The following RAD51B variants were observed in gnomAD, a reference collection of about 807,000 sequenced individuals.
RAD51B encodes the protein RAD51 paralog B.
Under a neutral mutation model 42.2 loss-of-function variants are expected in RAD51B, and 38 were observed. That is an observed-to-expected ratio of 0.90 (90% CI 0.70 to 1.18). RAD51B has a LOEUF of 1.18. Among genes scored for constraint, RAD51B ranks in the 50% most tolerant of loss-of-function variants. RAD51B has a pLI of 0.00. For synonymous variants in RAD51B, 154 were observed against 145.2 expected, an observed-to-expected ratio of 1.06 and a Z score of -0.43; for missense variants, 373 against 400.7, an observed-to-expected ratio of 0.93 and a Z score of 0.59.
intron 10 of RAD51B, among the ~76,000 whole-genome samples, chr14:68,618,259 A>G (rs8009865): frequency 0.25 from 37,694 of 152,122 alleles, 5,383 homozygotes; most frequent in African/African-American, 0.38. Flanking sequence ...ATGGGGCACC[A>G]TTGACCTCTA....
intron 7 of RAD51B, among the ~76,000 whole-genome samples, chr14:68,202,703 C>T (rs1253588792): frequency 6.6e-6 from 1 of 150,974 alleles, no homozygotes; most frequent in Non-Finnish European, 1.5e-5. Context: ...CTGCCTCAGC[C>T]TCCTCAGTAG....
intron 7 of RAD51B, among the ~76,000 whole-genome samples, chr14:68,195,214 AT>A: frequency 6.6e-6 from 1 of 152,290 alleles, no homozygotes; most frequent in Admixed American, 6.5e-5. Flanking sequence ...ATCTTTACTC[AT>A]TTGTTCACTC....
At chr14:67,867,429 C>T (rs1438245376) in intron 5 of RAD51B, among the ~76,000 whole-genome samples, 2 of 152,208 alleles carry the variant, frequency 1.3e-5, no homozygotes, top group South Asian at 2.1e-4. Flanking sequence ...CATTTTCAGA[C>T]ATCGGATTCA....
At chr14:68,341,054 T>G (rs1390786706) in intron 8 of RAD51B, among the ~76,000 whole-genome samples, 1 of 152,240 alleles carries the variant, frequency 6.6e-6, no homozygotes, top group Non-Finnish European at 1.5e-5. Flanking sequence ...ACCTTGAAGA[T>G]GCCACTAAGA....
At chr14:67,849,785 G>C (rs1254351836) in intron 4 of RAD51B, among the ~76,000 whole-genome samples, 1 of 152,028 alleles carries the variant, frequency 6.6e-6, no homozygotes, top group East Asian at 1.9e-4. Context: ...TGTTTTATTA[G>C]ATTCTTTGTG....
At chr14:68,672,771 CA>C (rs1396376973) in intron 11 of RAD51B, among the ~76,000 whole-genome samples, 1 of 152,186 alleles carries the variant, frequency 6.6e-6, no homozygotes, top group Non-Finnish European at 1.5e-5. Flanking sequence ...GAGATCATTG[CA>C]CTCATCTCCC....
chr14:68,048,234 G>C (rs2076334445), intron 7 of RAD51B, among the ~76,000 whole-genome samples: 1 of 152,196 alleles, frequency 6.6e-6, no homozygotes, highest in African/African-American at 2.4e-5. Flanking sequence ...CTGCATAAAT[G>C]TCTTCTTTTG....
intron 7 of RAD51B, among the ~76,000 whole-genome samples, chr14:68,135,184 T>G (rs929461639): frequency 5.9e-5 from 9 of 152,202 alleles, no homozygotes; most frequent in Middle Eastern, 3.2e-3. Flanking sequence ...TTCTCTAGTG[T>G]TTTAATTAAT....
Position 67,823,869 on chromosome 14 carries a change from G to A in RAD51B, c.84+242G>A, listed in dbSNP as rs561125798. 8.5e-5 allele frequency among the ~76,000 whole-genome samples: 13 copies of A among 152,300 alleles called. No homozygotes were observed. The East Asian group carries it at 1.9e-3, about 23-fold the overall frequency. ...GAAAGTGGTCACGGCATAAGGTGAA[G>A]TAACAGCTTTACTGTTTTATAGTTA... On this transcript the variant is annotated intron_variant, in intron 2 of 10. Transcript: ENST00000471583.
chr14:68,412,729 C>T (rs1252321955), intron 9 of RAD51B, among the ~76,000 whole-genome samples: 3 of 152,188 alleles, frequency 2.0e-5, no homozygotes, highest in Non-Finnish European at 4.4e-5. Context: ...TCAATGGCAC[C>T]TTTTCCCTGA....
chr14:68,457,063 C>T (rs964201804), intron 9 of RAD51B, among the ~76,000 whole-genome samples: 12 of 151,608 alleles, frequency 7.9e-5, no homozygotes, highest in South Asian at 6.3e-4. Context: ...CAGGCATGCA[C>T]CACCACACCC....
At chr14:68,067,931 CAAAAAAAAAAA>C (rs913150528) in intron 7 of RAD51B, among the ~76,000 whole-genome samples, 3 of 24,690 alleles carry the variant, frequency 1.2e-4, no homozygotes, top group South Asian at 1.9e-3. Context: ...GACTCCATCT[CAAAAAAAAAAA>C]AAAAAAAAAA....
intron 5 of RAD51B, 44 bp from the exon 6 acceptor site, chr14:67,885,825 G>A: frequency 3.9e-6 from 6 of 1,558,004 alleles, no homozygotes; most frequent in Non-Finnish European, 5.2e-6. Flanking sequence ...GTGGCTTTAA[G>A]TAGAATTGAC....
At chr14:68,016,009 T>C (rs1472450942) in intron 7 of RAD51B, among the ~76,000 whole-genome samples, 1 of 152,216 alleles carries the variant, frequency 6.6e-6, no homozygotes, top group Non-Finnish European at 1.5e-5. Flanking sequence ...ATAGTAATCA[T>C]TTTGTATCTT....
At chr14:67,973,770 T>A (rs2140255507) in intron 7 of RAD51B, among the ~76,000 whole-genome samples, 1 of 152,256 alleles carries the variant, frequency 6.6e-6, no homozygotes, top group South Asian at 2.1e-4. Flanking sequence ...GTGGCAAAGT[T>A]TTAGATTAAT....
At chr14:68,488,757 C>T (rs1229890233) in intron 10 of RAD51B, among the ~76,000 whole-genome samples, 1 of 152,164 alleles carries the variant, frequency 6.6e-6, no homozygotes, top group Non-Finnish European at 1.5e-5. Context: ...GCTGCAAAAC[C>T]CCATTGCAGT....
rs369875160 is a variant in RAD51B, at chr14:67,904,548, G to T, written c.756+17344G>T. 1.1e-4 allele frequency among the ~76,000 whole-genome samples: 13 copies of T among 122,478 alleles called. No homozygotes were observed. The East Asian group carries it at 2.1e-3, about 20-fold the overall frequency. The allele number at this position is 122,478 out of a possible 152,430, so 80.4% of individuals were successfully genotyped here. ...TTTTTTTGAGATGGAGTCTTGCTCT[G>T]TTGCCAGGCTGGTGTGCAGAGGTGC... On this transcript the variant is annotated intron_variant, in intron 7 of 10. Coordinates refer to ENST00000471583, the MANE Select transcript of RAD51B (RefSeq NM_133510.4).
intron 8 of RAD51B, among the ~76,000 whole-genome samples, chr14:68,391,136 GTCTTTCTTTCTTTCTTTCTTTCTT>G (rs36073427): frequency 3.5e-5 from 5 of 141,558 alleles, no homozygotes; most frequent in Admixed American, 2.8e-4. Flanking sequence ...TATGAGACTT[GTCTTTCTTTCTTTCTTTCTTTCTT>G]TCTTTCTTTC....
chr14:67,847,273 C>T (rs2041647904), intron 4 of RAD51B, among the ~76,000 whole-genome samples: 1 of 150,358 alleles, frequency 6.7e-6, no homozygotes, highest in Non-Finnish European at 1.5e-5. Context: ...CCAGGGTCTT[C>T]TCTCTAATTT....
Sources: gnomAD v4.1 joint callset for allele counts (sites outside exome capture counted in the v4.1 genomes callset) on GRCh38, gnomAD v4.1.1 for gene constraint, MANE v1.5 for transcripts, NCBI Gene and HGNC (gene_info 2026-07-23, HGNC 2026-07-21) for gene names.